Variants in POLD1 observed in about 807,000 individuals in gnomAD.
The protein encoded by POLD1 is DNA polymerase delta catalytic subunit.
POLD1 carries 79 observed loss-of-function variants against 129.7 expected under a neutral mutation model. The ratio of observed to expected loss-of-function variants is 0.61; its 90% CI spans 0.51 to 0.73. POLD1 has a LOEUF of 0.73. POLD1 is among the 30% of genes least tolerant of loss of function. The pLI is 0.00. For missense variants in POLD1, 1,338 were observed against 1,595.8 expected, an observed-to-expected ratio of 0.84 and a Z score of 2.75; for synonymous variants, 714 against 683.3, an observed-to-expected ratio of 1.04 and a Z score of -0.70.
At chr19:50,416,285 T>G in intron 22 of POLD1, 111 bp from the exon 23 acceptor site, 1 of 1,163,008 alleles carries the variant, frequency 8.6e-7, no homozygotes, top group Non-Finnish European at 1.2e-6. Flanking sequence ...CCCCCCCATG[T>G]CACAGCCCGC....
chr19:50,394,273 C>T (rs765721665), intron 1 of POLD1, among the ~76,000 whole-genome samples: 9 of 152,150 alleles, frequency 5.9e-5, no homozygotes, highest in South Asian at 2.1e-4. Context: ...CTCCTGGCAG[C>T]GCACACTGGG....
At position 50,394,522 on chromosome 19, in the gene POLD1, G is replaced by C. The variant is rs372985654; in HGVS notation, c.-1-4329G>C. ...CAAAAAAAAATTAGCGGGTATGATG[G>C]TGGACGCCTGTAATCCCAGCTACTC... On this transcript the variant is annotated intron_variant, in intron 1 of 26. Coordinates refer to ENST00000440232, the MANE Select transcript of POLD1 (RefSeq NM_002691.4). 1.9e-4 allele frequency among the ~76,000 whole-genome samples: 29 copies of C among 152,232 alleles called. No individual in the cohort carries two copies. The East Asian group carries it at 5.2e-3, about 28-fold the overall frequency.
At chr19:50,415,880 C>A in intron 22 of POLD1, 54 bp downstream of exon 22, 1 of 1,288,186 alleles carries the variant, frequency 7.8e-7, no homozygotes, top group Non-Finnish European at 1.0e-6. Flanking sequence ...CTCACTTCTG[C>A]TTTCCGAGAT....
intron 3 of POLD1, among the ~76,000 whole-genome samples, chr19:50,401,406 T>C (rs1325536830): frequency 1.3e-4 from 17 of 134,616 alleles, no homozygotes; most frequent in Non-Finnish European, 2.5e-4. Flanking sequence ...TTTTTTTTTT[T>C]TTTTTTTTTC....
rs143340270 is a variant in POLD1 at position 50,403,152 on chromosome 19, T to G, written c.1070T>G (p.Leu357Arg). ...PEPFLRLALT[L>R]RPCAPILGAK... is the part of the protein sequence containing the mutation. ...CCCTTCCTACGCCTGGCGCTCACCC[T>G]GCGGCCCTGTGCCCCCATCCTGGGT... The change falls in exon 9 of 27, where the codon CTG (leucine) becomes CGG (arginine). Residue 357 changes from leucine to arginine, a missense_variant. Around this residue, in one of 3 missense-constraint regions of POLD1, gnomAD observed 720 missense variants for 1,002.6 expected, o/e 0.72. Coordinates refer to ENST00000440232, the MANE Select transcript of POLD1 (RefSeq NM_002691.4). The G allele has an allele frequency of 7.0e-6, 11 of 1,560,566 alleles. No individual in the cohort carries two copies. The highest frequency in any genetic ancestry group is 9.5e-6 in the Non-Finnish European group (11 of 1,152,168).
In POLD1 at chr19:50,403,070, G is replaced by C. The variant is rs1060501813; in HGVS notation, c.988G>C (p.Glu330Gln). The change falls in exon 9 of 27, where the codon GAG becomes CAG. Residue 330 changes from glutamate (E) to glutamine (Q), a missense_variant. By Grantham distance (29) the Glu-to-Gln change is conservative (BLOSUM62 2). Coordinates refer to ENST00000440232, the MANE Select transcript of POLD1 (RefSeq NM_002691.4). Reference sequence around the variant, plus strand: ...CCTCGCAGGCATCTTCCCTGAGCCTGAGCGGGACCCTGTCATCCAGATCTG... The same window carrying C: ...CCTCGCAGGCATCTTCCCTGAGCCTCAGCGGGACCCTGTCATCCAGATCTG... ...AGRKGIFPEPERDPVIQICSL... is the reference protein window; with the variant it reads ...AGRKGIFPEPQRDPVIQICSL... The C allele has an allele frequency of 6.4e-7, 1 of 1,561,574 alleles. No homozygotes were observed. Among genetic ancestry groups the C allele is most frequent in the Non-Finnish European group, 8.7e-7 (1 of 1,152,448 alleles).
Position 50,406,071 on chromosome 19 carries a change from T to C in POLD1, c.1243-111T>C. On this transcript the variant is annotated intron_variant, in intron 10 of 26. Transcript: ENST00000440232. The surrounding 1 kb of genome is among the most constrained non-coding windows in gnomAD (Gnocchi z 5.5). ...CGTCTTTCTGCCCCCAGGGTTGCTC[T>C]CGACCCCCTAGGGTTGTTATAAGGA... The C allele has an allele frequency of 7.4e-7, 1 of 1,355,114 alleles. No individual in the cohort carries two copies. Among genetic ancestry groups the C allele is most frequent in the Non-Finnish European group, 1.0e-6 (1 of 981,530 alleles). The allele number at this position is 1,355,114 out of a possible 1,614,324, so 83.9% of individuals were successfully genotyped here.
In POLD1 at chr19:50,413,602, C is replaced by T. The variant is rs1337724269; in HGVS notation, c.2250+81C>T. 1.3e-5 allele frequency: 20 copies of T among 1,531,170 alleles called. No individual in the cohort carries two copies. The East Asian group carries it at 3.0e-4, about 23-fold the overall frequency. The allele number at this position is 1,531,170 out of a possible 1,614,324, so 94.8% of individuals were successfully genotyped here. A position where few individuals can be genotyped will look rare whatever the true frequency, so the allele number is the denominator to read the frequency against. The stretch of plus-strand genomic sequence containing the variant: ...AAGCCGGGCCGGACCCCCATGTCCC[C>T]GTGCCTCCTGGTCACACCCTGCCCA... On this transcript the variant is annotated intron_variant, in intron 18 of 26. Coordinates refer to ENST00000440232, the MANE Select transcript of POLD1 (RefSeq NM_002691.4).
Position 50,402,602 on chromosome 19 carries a change from A to G in POLD1, c.841-10A>G, listed in dbSNP as rs140160345. ...CCCTGCTGCCACCGCTGACCCACCC[A>G]TGCCCACAGGCTACGCAGTGCCAGC... is the stretch of plus-strand genomic sequence containing the variant. On this transcript the variant is annotated splice_polypyrimidine_tract_variant and intron_variant, in intron 7 of 26. Transcript: ENST00000440232. 75 of 1,572,136 alleles carry G rather than the reference A, an allele frequency of 4.8e-5. No homozygotes were observed. Among genetic ancestry groups the G allele is most frequent in the Middle Eastern group, 3.7e-4 (2 of 5,370 alleles).
In POLD1 at chr19:50,406,527, G is replaced by A. The variant is rs2122328682; in HGVS notation, c.1494+10G>A. Reference sequence around the variant, plus strand: ...CATCACCGACCTGCAGGTGCCTGCTGCCTCCCTGACCTCTCACCCCAACCT... The same window carrying A: ...CATCACCGACCTGCAGGTGCCTGCTACCTCCCTGACCTCTCACCCCAACCT... On this transcript the variant is annotated intron_variant, in intron 12 of 26. Transcript: ENST00000440232. The surrounding 1 kb of genome is among the most constrained non-coding windows in gnomAD (Gnocchi z 5.5). 18 of 1,556,028 alleles carry A rather than the reference G, an allele frequency of 1.2e-5. No individual in the cohort carries two copies. The highest frequency in any genetic ancestry group is 1.6e-5 in the Non-Finnish European group (18 of 1,147,258).
At chr19:50,385,600 C>T (rs1467471555) in intron 1 of POLD1, among the ~76,000 whole-genome samples, 1 of 150,564 alleles carries the variant, frequency 6.6e-6, no homozygotes, top group Non-Finnish European at 1.5e-5. Flanking sequence ...GCAAACTCAG[C>T]TCATTGCAAC....
intron 10 of POLD1, 112 bp downstream of exon 10, chr19:50,403,709 T>G: frequency 1.3e-6 from 1 of 755,378 alleles, no homozygotes; most frequent in Admixed American, 2.1e-5. Flanking sequence ...TTGCTCTGTG[T>G]GCCTCAGCCG....
rs770709281 is a variant in POLD1 at position 50,409,119 on chromosome 19, C to G, written c.1893-3C>G. On this transcript the variant is annotated splice_region_variant and splice_polypyrimidine_tract_variant and intron_variant, in intron 15 of 26. Transcript: ENST00000440232. This position sits in a 1 kb window ranked among gnomAD's most constrained non-coding sequence, Gnocchi z 5.8. ...GCAGTCACCCCAACATCTTCCAACC[C>G]AGCCTGACTGAGGATCAGTTCATCA... 1 of 1,602,714 alleles carries G rather than the reference C, an allele frequency of 6.2e-7. No homozygotes were observed. Among genetic ancestry groups the G allele is most frequent in the South Asian group, 1.1e-5 (1 of 90,836 alleles).
chr19:50,396,074 T>G (rs58655798), intron 1 of POLD1, among the ~76,000 whole-genome samples: 32,172 of 147,306 alleles, frequency 0.22, 6,391 homozygotes, highest in African/African-American at 0.53. Context: ...ATTGTTGTTG[T>G]TGGTGGTGGT....
chr19:50,417,095 G>A lies in POLD1; in HGVS notation c.3118G>A (p.Glu1040Lys), dbSNP rs1057524200. Residue 1040 changes from glutamate to lysine, a missense_variant and splice_region_variant, in exon 25 of 27, where the codon GAG becomes AAG. Physicochemically the swap from Glu to Lys is moderately conservative, Grantham distance 56. Transcript: ENST00000440232. ...QPRESELYQK[E>K]VSHLNALEER... ...CCGGGAGTCTGAGCTGTATCAGAAG[G>A]AGGTGAGAGGGCCGGGAGGTGAGGA... 3.8e-6 allele frequency: 6 copies of A among 1,560,410 alleles called. No homozygotes were observed. The highest frequency in any genetic ancestry group is 5.2e-6 in the Non-Finnish European group (6 of 1,151,726).
At chr19:50,397,448 A>G (rs2038412010) in intron 1 of POLD1, among the ~76,000 whole-genome samples, 1 of 144,876 alleles carries the variant, frequency 6.9e-6, no homozygotes. Flanking sequence ...TCTGTGGCCC[A>G]GGATGGAGTA....
intron 10 of POLD1, among the ~76,000 whole-genome samples, chr19:50,405,794 C>T (rs867798904): frequency 5.3e-5 from 8 of 152,142 alleles, no homozygotes; most frequent in South Asian, 2.1e-4. Context: ...AGGCGCCCTC[C>T]AGCGCCCTCA....
intron 21 of POLD1, 43 bp from the exon 22 acceptor site, chr19:50,415,681 C>T (rs1175707006): frequency 9.6e-6 from 14 of 1,462,652 alleles, no homozygotes; most frequent in East Asian, 2.5e-5. Flanking sequence ...CCACCCCCGC[C>T]ACCCACCTGC....
rs2039028176 is a variant in POLD1 at position 50,409,733 on chromosome 19, C to G, written c.2154+67C>G. ...GCCCCCTGTGTAGGAGACCAGGGCT[C>G]CATGTGGGGGACCTGTATCCAGAGG... On this transcript the variant is annotated intron_variant, in intron 17 of 26. Transcript: ENST00000440232. This position sits in a 1 kb window ranked among gnomAD's most constrained non-coding sequence, Gnocchi z 5.8. The G allele has an allele frequency of 6.7e-7, 1 of 1,495,078 alleles. No homozygotes were observed. The highest frequency in any genetic ancestry group is 1.3e-5 in the South Asian group (1 of 77,400). The allele number at this position is 1,495,078 out of a possible 1,614,324, so 92.6% of individuals were successfully genotyped here.
Sources: allele counts gnomAD v4.1 joint callset (sites outside exome capture counted in the v4.1 genomes callset), GRCh38; gene constraint gnomAD v4.1.1; regional missense constraint gnomAD v4.1.1; non-coding constraint Gnocchi (gnomAD v3.1); transcripts MANE v1.5; gene names NCBI Gene and HGNC (gene_info 2026-07-23, HGNC 2026-07-21).